The following CSMD1 variants were observed in gnomAD, a reference collection of about 807,000 sequenced individuals.
The protein encoded by CSMD1 is CUB and sushi domain-containing protein 1.
In CSMD1, 213 loss-of-function variants were observed where a neutral mutation model predicts 417.5. The observed-to-expected ratio is 0.51, with a 90% CI of 0.46 to 0.57. The LOEUF (loss-of-function observed/expected upper bound fraction) is 0.57. Ranked by LOEUF, CSMD1 falls within the 20% of genes least tolerant of loss-of-function variation. CSMD1 has a pLI of 0.00. For missense variants in CSMD1, 6,923 were observed against 4,529.7 expected (o/e 1.53, Z -15.17); for synonymous variants, 2,862 against 1,736.8 (o/e 1.65, Z -16.11).
intron 17 of CSMD1, among the ~76,000 whole-genome samples, chr8:3,393,567 T>C (rs139691194): frequency 6.6e-6 from 1 of 152,058 alleles, no homozygotes; most frequent in Non-Finnish European, 1.5e-5. Flanking sequence ...ACTTTCACAA[T>C]AGCAAAGACT....
chr8:3,993,711 T>C (rs1814935210), intron 5 of CSMD1, among the ~76,000 whole-genome samples: 1 of 152,220 alleles, frequency 6.6e-6, no homozygotes, highest in African/African-American at 2.4e-5. Context: ...TCTTTTGAAG[T>C]CATAAGGCAG....
At chr8:3,642,474 G>A (rs751006715) in intron 7 of CSMD1, among the ~76,000 whole-genome samples, 1 of 152,144 alleles carries the variant, frequency 6.6e-6, no homozygotes, top group Non-Finnish European at 1.5e-5. Context: ...CCCAAGTAGT[G>A]ACCCAAGCAA....
At chr8:3,496,170 AC>A (rs1796356676) in intron 10 of CSMD1, among the ~76,000 whole-genome samples, 1 of 150,854 alleles carries the variant, frequency 6.6e-6, no homozygotes, top group Non-Finnish European at 1.5e-5. Flanking sequence ...TTGGTTTTCT[AC>A]TCCTGCCATT....
At chr8:4,049,350 G>C (rs1003965344) in intron 3 of CSMD1, among the ~76,000 whole-genome samples, 1 of 151,626 alleles carries the variant, frequency 6.6e-6, no homozygotes, top group Non-Finnish European at 1.5e-5. Context: ...AGCACTCCAA[G>C]CTCCTAGAGT....
intron 2 of CSMD1, among the ~76,000 whole-genome samples, chr8:4,449,913 G>A (rs1000253162): frequency 1.3e-5 from 2 of 152,112 alleles, no homozygotes; most frequent in African/African-American, 2.4e-5. Context: ...TAAAACCTGG[G>A]CACCATGCCC....
chr8:3,102,538 G>A (rs1228971481), intron 46 of CSMD1, among the ~76,000 whole-genome samples: 2 of 152,162 alleles, frequency 1.3e-5, no homozygotes, highest in Non-Finnish European at 2.9e-5. Flanking sequence ...CGCTCATGTT[G>A]TGTTGATTTA....
intron 1 of CSMD1, among the ~76,000 whole-genome samples, chr8:4,840,649 G>C (rs1270557222): frequency 2.0e-5 from 3 of 152,174 alleles, no homozygotes; most frequent in East Asian, 1.9e-4. Context: ...TATACTTTCT[G>C]AGTGACGTGT....
At position 3,201,708 on chromosome 8, in the gene CSMD1, C is replaced by G. The variant is rs766323571; in HGVS notation, c.5002G>C (p.Ala1668Pro). The G allele has an allele frequency of 1.9e-6, 3 of 1,597,756 alleles. No homozygotes were observed. The Admixed American group carries it at 5.2e-5, about 28-fold the overall frequency. The change falls in exon 32 of 70, where the codon GCC becomes CCC. Residue 1668 changes from alanine to proline, a missense_variant. Coordinates refer to ENST00000635120, the MANE Select transcript of CSMD1 (RefSeq NM_033225.6). ...TCATTCAGGGCTGTCTGGAAATAGG[C>G]AAACTGTCCAAAGACCACTAAAAAA... Reference protein sequence around the residue: ...PKEFVVFGQFAYFQTALNDLA... With the variant: ...PKEFVVFGQFPYFQTALNDLA...
chr8:4,786,191 G>A (rs936845188), intron 1 of CSMD1, among the ~76,000 whole-genome samples: 1 of 152,126 alleles, frequency 6.6e-6, no homozygotes, highest in Non-Finnish European at 1.5e-5. Context: ...TACCATCTTG[G>A]CTCTTAAGCA....
At chr8:3,159,820 A>G (rs1343891186) in intron 38 of CSMD1, among the ~76,000 whole-genome samples, 3 of 152,244 alleles carry the variant, frequency 2.0e-5, no homozygotes, top group Non-Finnish European at 4.4e-5. Context: ...ATAATCCATT[A>G]TAAGAAATTT....
At position 4,463,771 on chromosome 8, in the gene CSMD1, T is replaced by C. The variant is rs181400096; in HGVS notation, c.303-43706A>G. ...CTGAGGGAAAATAGTGAGTGGGTAC[T>C]AATGGATACTGGGTTTTTTGCATTA... On this transcript the variant is annotated intron_variant, in intron 2 of 69. Coordinates refer to ENST00000635120, the MANE Select transcript of CSMD1 (RefSeq NM_033225.6). Among the ~76,000 whole-genome samples the C allele has an allele frequency of 4.7e-3, 718 of 152,280 alleles. 2 individuals carry two copies. The highest frequency in any genetic ancestry group is 9.3e-3 in the Admixed American group (142 of 15,288).
intron 1 of CSMD1, among the ~76,000 whole-genome samples, chr8:4,642,661 G>A (rs1803270318): frequency 6.6e-6 from 1 of 152,186 alleles, no homozygotes; most frequent in African/African-American, 2.4e-5. Context: ...AAAAACTGGT[G>A]TGCCAAATAT....
At chr8:4,061,295 T>C (rs754972320) in intron 3 of CSMD1, among the ~76,000 whole-genome samples, 1 of 152,124 alleles carries the variant, frequency 6.6e-6, no homozygotes, top group Non-Finnish European at 1.5e-5. Flanking sequence ...AGGTACATCT[T>C]ATCATACAAG....
chr8:3,405,890 C>T (rs901212712), intron 15 of CSMD1, 137 bp downstream of exon 15: 5 of 753,172 alleles, frequency 6.6e-6, no homozygotes, highest in Admixed American at 5.7e-5. Flanking sequence ...CTGTACACTC[C>T]TGTTGGTTAA....
chr8:3,090,609 C>T (rs534511552), intron 48 of CSMD1, among the ~76,000 whole-genome samples: 7 of 152,192 alleles, frequency 4.6e-5, no homozygotes, highest in East Asian at 1.9e-4. Context: ...TCCCTTTGGA[C>T]GCTCGTAGTC....
intron 1 of CSMD1, chr8:4,787,732 T>A: frequency 6.3e-7 from 1 of 1,589,594 alleles, no homozygotes; most frequent in Non-Finnish European, 8.6e-7. Flanking sequence ...CCCACAGTGG[T>A]CTGAGGAACA....
intron 10 of CSMD1, among the ~76,000 whole-genome samples, chr8:3,531,064 T>C (rs1797960343): frequency 6.6e-6 from 1 of 151,856 alleles, no homozygotes; most frequent in African/African-American, 2.4e-5. Flanking sequence ...TTTTGCCATG[T>C]TGGCCAGGCT....
intron 1 of CSMD1, among the ~76,000 whole-genome samples, chr8:4,687,836 T>TACACAC (rs35687334): frequency 1.9e-4 from 28 of 149,196 alleles, no homozygotes; most frequent in African/African-American, 5.4e-4. Context: ...CATACATACA[T>TACACAC]ACACACACAC....
At chr8:4,953,516 T>C (rs1808885953) in intron 1 of CSMD1, among the ~76,000 whole-genome samples, 1 of 152,170 alleles carries the variant, frequency 6.6e-6, no homozygotes, top group Non-Finnish European at 1.5e-5. Flanking sequence ...TGGCAAGTTA[T>C]GTAACTTGAA....
Sources: allele counts gnomAD v4.1 joint callset (sites outside exome capture counted in the v4.1 genomes callset), GRCh38; gene constraint gnomAD v4.1.1; transcripts MANE v1.5; gene names NCBI Gene and HGNC (gene_info 2026-07-23, HGNC 2026-07-21).